FAM53A: variants seen among roughly 807,000 people sequenced by gnomAD.
FAM53A encodes the protein family with sequence similarity 53 member A.
In FAM53A, 28 loss-of-function variants were observed where a neutral mutation model predicts 26.6. The observed-to-expected ratio is 1.05, with a 90% CI of 0.78 to 1.45. The LOEUF (loss-of-function observed/expected upper bound fraction) is 1.45. Ranked by LOEUF, FAM53A falls within the 40% of genes most tolerant of loss-of-function variation. The pLI, the probability that FAM53A is intolerant of heterozygous loss-of-function variation, is 0.00. For missense variants in FAM53A, 650 were observed against 575.8 expected (o/e 1.13, Z -1.32); for synonymous variants, 290 against 253.1 (o/e 1.15, Z -1.38).
intron 4 of FAM53A, among the ~76,000 whole-genome samples, chr4:1,643,359 G>A (rs563546671): frequency 1.4e-4 from 21 of 151,906 alleles, no homozygotes; most frequent in Admixed American, 2.0e-4. Context: ...CCAGCTACTC[G>A]GGAGGCTGAG....
chr4:1,641,700 G>C, intron 4 of FAM53A, 93 bp from the exon 5 acceptor site: 1 of 1,310,378 alleles, frequency 7.6e-7, no homozygotes. Flanking sequence ...GTGTGCTGGG[G>C]CTCTGGCCAT....
In FAM53A at chr4:1,657,441, T is replaced by C. The variant is rs776476580; in HGVS notation, c.103A>G (p.Lys35Glu). The change falls in exon 3 of 5, where the codon AAG (lysine) becomes GAG (glutamate). Residue 35 changes from lysine (K) to glutamate (E), a missense_variant. Transcript: ENST00000308132. The stretch of plus-strand genomic sequence containing the variant: ...TCCAAAGGGAACAGACGACCGCTCT[T>C]GTTCAGGGTTTCCGCAGAATACTGC... ...PLQYSAETLN[K>E]SGRLFPLELN... 2.5e-6 allele frequency: 4 copies of C among 1,613,766 alleles called. No homozygotes were observed. The African/African-American group carries it at 4.0e-5, about 16-fold the overall frequency.
At chr4:1,665,408 G>A (rs1186439152) in intron 2 of FAM53A, among the ~76,000 whole-genome samples, 1 of 151,514 alleles carries the variant, frequency 6.6e-6, no homozygotes, top group Non-Finnish European at 1.5e-5. Flanking sequence ...AGAATCGCTT[G>A]AGCCCTGGAA....
intron 4 of FAM53A, among the ~76,000 whole-genome samples, chr4:1,645,486 C>A (rs1712159191): frequency 2.0e-5 from 3 of 152,222 alleles, no homozygotes; most frequent in African/African-American, 7.2e-5. Flanking sequence ...CCTGCTCGGG[C>A]TGTGAGGGGC....
the FAM53A span, among the ~76,000 whole-genome samples, chr4:1,582,371 C>T: frequency 1.3e-5 from 2 of 152,206 alleles, no homozygotes; most frequent in South Asian, 2.1e-4. Context: ...CCCTCCCTGC[C>T]ACGGACGTCA....
chr4:1,599,896 C>A, the FAM53A span, among the ~76,000 whole-genome samples: 1 of 152,282 alleles, frequency 6.6e-6, no homozygotes, highest in East Asian at 1.9e-4. The surrounding 1 kb of genome is among the most constrained non-coding windows in gnomAD (Gnocchi z 6.1). Context: ...GGCGCTGTGG[C>A]GGTCCCTTGG....
chr4:1,585,965 G>C, the FAM53A span, among the ~76,000 whole-genome samples: 1 of 152,068 alleles, frequency 6.6e-6, no homozygotes, highest in African/African-American at 2.4e-5. Flanking sequence ...TTGAACTCCT[G>C]GGATCAAGCA....
At chr4:1,652,328 TACAC>T (rs1560159027) in intron 4 of FAM53A, among the ~76,000 whole-genome samples, 2 of 104,860 alleles carry the variant, frequency 1.9e-5, no homozygotes, top group African/African-American at 8.0e-5. Flanking sequence ...ACACACACCA[TACAC>T]ACACGCTATA....
At chr4:1,631,324 A>G (rs916269299) in intron 1 of FAM53A, among the ~76,000 whole-genome samples, 2 of 152,244 alleles carry the variant, frequency 1.3e-5, no homozygotes, top group Non-Finnish European at 2.9e-5. Context: ...GGTCTCCATC[A>G]ACCCCATGTC....
At chr4:1,598,810 G>A in the FAM53A span, among the ~76,000 whole-genome samples, 1 of 152,252 alleles carries the variant, frequency 6.6e-6, no homozygotes, top group Non-Finnish European at 1.5e-5. Context: ...CCGGCGGGCG[G>A]AGCGTAATGA....
chr4:1,644,487 C>A, intron 4 of FAM53A: 1 of 1,073,904 alleles, frequency 9.3e-7, no homozygotes, highest in Non-Finnish European at 1.3e-6. Flanking sequence ...AAGGGGCCAC[C>A]CACGCTGTAG....
rs369900075 is a variant in FAM53A at position 1,659,718 on chromosome 4, G to A, written c.76-2250C>T. Among the ~76,000 whole-genome samples the A allele has an allele frequency of 5.3e-4, 81 of 152,330 alleles. No individual in the cohort carries two copies. The East Asian group carries it at 0.012, about 23-fold the overall frequency. On this transcript the variant is annotated intron_variant, in intron 2 of 4. Transcript: ENST00000308132. The surrounding 1 kb of genome is among the most constrained non-coding windows in gnomAD (Gnocchi z 5.2). ...CTTATTCCTCACAGTCCTGGAGGCA[G>A]AAGTCCAAGATCAAGGGACAGGCAG...
intron 1 of FAM53A, among the ~76,000 whole-genome samples, chr4:1,621,396 G>A (rs1020665786): frequency 3.9e-5 from 6 of 152,226 alleles, no homozygotes; most frequent in Admixed American, 1.3e-4. Flanking sequence ...GAGCCACCGC[G>A]CCCGGTCAGT....
intron 1 of FAM53A, among the ~76,000 whole-genome samples, chr4:1,678,497 G>C (rs1329476750): frequency 6.6e-6 from 1 of 152,182 alleles, no homozygotes. Flanking sequence ...TTTTCAACAA[G>C]TGCTGCTGAA....
At chr4:1,634,204 G>T (rs898660133) in intron 1 of FAM53A, among the ~76,000 whole-genome samples, 1 of 152,202 alleles carries the variant, frequency 6.6e-6, no homozygotes, top group Non-Finnish European at 1.5e-5. Context: ...GTGGCAGGAG[G>T]TGTCTAAGCT....
intron 1 of FAM53A, among the ~76,000 whole-genome samples, chr4:1,673,982 C>T (rs1390323639): frequency 2.0e-5 from 3 of 152,204 alleles, no homozygotes; most frequent in South Asian, 2.1e-4. Flanking sequence ...GGAAGGAAGG[C>T]GTTAGTCAGG....
At position 1,641,440 on chromosome 4, in the gene FAM53A, G is replaced by A; in HGVS notation, c.1050C>T (p.Pro350=). ...QRGLRTSPVH[P]NLWASRESVT... is the part of the protein sequence containing the mutation. Reference sequence around the variant, plus strand: ...CCGACTCCCTAGAGGCCCACAGGTTGGGGTGGACAGGGCTGGTCCTGAGGC... The same window carrying A: ...CCGACTCCCTAGAGGCCCACAGGTTAGGGTGGACAGGGCTGGTCCTGAGGC... Residue 350 remains proline (P), a synonymous_variant, in exon 5 of 5, where the codon CCC becomes CCT. Coordinates refer to ENST00000308132, the MANE Select transcript of FAM53A (RefSeq NM_001174070.3). 1.9e-6 allele frequency: 3 copies of A among 1,613,734 alleles called. No homozygotes were observed. Among genetic ancestry groups the A allele is most frequent in the Non-Finnish European group, 2.5e-6 (3 of 1,179,836 alleles).
At chr4:1,634,187 T>C (rs749205993) in intron 1 of FAM53A, among the ~76,000 whole-genome samples, 29 of 152,252 alleles carry the variant, frequency 1.9e-4, no homozygotes, top group Middle Eastern at 6.8e-3. Context: ...GACCCTGACC[T>C]CGGGGTGTGG....
chr4:1,576,655 A>G, the FAM53A span, among the ~76,000 whole-genome samples: 1 of 152,244 alleles, frequency 6.6e-6, no homozygotes, highest in Non-Finnish European at 1.5e-5. Context: ...TCTGCTCCAG[A>G]AAGTCGAAGA....
Sources: allele counts gnomAD v4.1 joint callset (sites outside exome capture counted in the v4.1 genomes callset), GRCh38; gene constraint gnomAD v4.1.1; non-coding constraint Gnocchi (gnomAD v3.1); transcripts MANE v1.5; gene names NCBI Gene and HGNC (gene_info 2026-07-23, HGNC 2026-07-21).